Variants in JMJD1C observed in about 807,000 individuals in gnomAD.
JMJD1C encodes the protein jumonji domain-containing protein 1C.
A neutral mutation model predicts 245.3 loss-of-function variants in JMJD1C; 31 were observed. The ratio of observed to expected loss-of-function variants is 0.13; its 90% CI spans 0.09 to 0.17. The LOEUF is 0.17. Among genes scored for constraint, JMJD1C ranks in the 10% least tolerant of loss-of-function variants. JMJD1C has a pLI of 1.00. For synonymous variants in JMJD1C, 1,057 were observed against 1,017.4 expected (o/e 1.04, Z -0.74); for missense variants, 2,691 against 3,000.2 (o/e 0.90, Z 2.41).
intron 2 of JMJD1C, 108 bp downstream of exon 2, chr10:63,380,210 C>T (rs755837062): frequency 9.2e-7 from 1 of 1,082,652 alleles, no homozygotes; most frequent in Non-Finnish European, 1.4e-6. Flanking sequence ...TCTCAAAGTG[C>T]TAGTTTTACA....
chr10:63,451,409 G>T (rs573094978), intron 1 of JMJD1C, among the ~76,000 whole-genome samples: 1 of 152,190 alleles, frequency 6.6e-6, no homozygotes, highest in East Asian at 1.9e-4. Flanking sequence ...AACGCTGCAG[G>T]ACTGGGATAA....
chr10:63,394,844 CA>C (rs35359377), intron 1 of JMJD1C, among the ~76,000 whole-genome samples: 39 of 126,986 alleles, frequency 3.1e-4, no homozygotes, highest in African/African-American at 8.3e-4. Context: ...AACTCCATCA[CA>C]AAAAAAAAAA....
At chr10:63,246,258 C>T (rs1216720211) in intron 3 of JMJD1C, among the ~76,000 whole-genome samples, 4 of 151,982 alleles carry the variant, frequency 2.6e-5, no homozygotes, top group Non-Finnish European at 5.9e-5. Flanking sequence ...TAAGACTACC[C>T]CAAGGCATAT....
At chr10:63,465,286 G>C in intron 1 of JMJD1C, 1 of 591,742 alleles carries the variant, frequency 1.7e-6, no homozygotes, top group Non-Finnish European at 2.9e-6. Context: ...CGGGAGTCCT[G>C]CTCCGACACC....
chr10:63,465,265 C>A, intron 1 of JMJD1C: 1 of 516,934 alleles, frequency 1.9e-6, no homozygotes, highest in Non-Finnish European at 3.4e-6. Flanking sequence ...GGGCAGCCTC[C>A]GCGGCTATCC....
At chr10:63,512,434 T>C (rs1017683972) in intron 1 of JMJD1C, among the ~76,000 whole-genome samples, 31 of 152,212 alleles carry the variant, frequency 2.0e-4, no homozygotes, top group African/African-American at 7.2e-4. Flanking sequence ...TTATTCTTCC[T>C]TTACTTTGGA....
chr10:63,326,579 C>A (rs1941547144), intron 2 of JMJD1C, among the ~76,000 whole-genome samples: 1 of 150,964 alleles, frequency 6.6e-6, no homozygotes, highest in African/African-American at 2.4e-5. Context: ...TGACACATTA[C>A]TTAAAATACC....
chr10:63,367,748 C>T (rs1184164075), intron 2 of JMJD1C, among the ~76,000 whole-genome samples: 1 of 152,038 alleles, frequency 6.6e-6, no homozygotes, highest in Non-Finnish European at 1.5e-5. Flanking sequence ...CACGAGAGAC[C>T]CATGCACAGA....
chr10:63,429,003 G>A lies in JMJD1C; in HGVS notation c.168+36492C>T, dbSNP rs79853401. Among the ~76,000 whole-genome samples the A allele has an allele frequency of 8.9e-3, 1,349 of 152,066 alleles. 20 individuals are homozygous for A. The highest frequency in any genetic ancestry group is 0.03 in the African/African-American group (1,241 of 41,464). On this transcript the variant is annotated intron_variant, in intron 1 of 25. Transcript: ENST00000399262. Reference sequence around the variant, plus strand: ...TTCTTTTGGTGGGGGGGAGGGGCACGGAATTTCACTCTTGTTACCCAGGCT... The same window carrying A: ...TTCTTTTGGTGGGGGGGAGGGGCACAGAATTTCACTCTTGTTACCCAGGCT...
chr10:63,462,627 G>A (rs1056362250), intron 1 of JMJD1C, among the ~76,000 whole-genome samples: 1 of 152,120 alleles, frequency 6.6e-6, no homozygotes, highest in African/African-American at 2.4e-5. Context: ...AGGAGAGTTA[G>A]AAGGAGATGA....
intron 1 of JMJD1C, among the ~76,000 whole-genome samples, chr10:63,447,673 C>T (rs1209284035): frequency 1.3e-5 from 2 of 151,676 alleles, no homozygotes; most frequent in Non-Finnish European, 2.9e-5. Context: ...GGTTTTGTGG[C>T]ATCAATATCA....
At chr10:63,423,369 A>G (rs367680619) in intron 1 of JMJD1C, among the ~76,000 whole-genome samples, 81 of 152,282 alleles carry the variant, frequency 5.3e-4, no homozygotes, top group African/African-American at 1.9e-3. Flanking sequence ...TACTGTCTCT[A>G]TGAATTTGCC....
At chr10:63,354,544 AAACTT>A (rs1413718894) in intron 2 of JMJD1C, among the ~76,000 whole-genome samples, 1 of 152,040 alleles carries the variant, frequency 6.6e-6, no homozygotes, top group African/African-American at 2.4e-5. Flanking sequence ...TGAGCATGCT[AAACTT>A]ATTTTTACAT....
At position 63,312,582 on chromosome 10, in the gene JMJD1C, A is replaced by G. The variant is rs534636114; in HGVS notation, c.334-47818T>C. 1.3e-4 allele frequency among the ~76,000 whole-genome samples: 20 copies of G among 152,342 alleles called. 1 individual carries two copies. The South Asian group carries it at 3.9e-3, about 30-fold the overall frequency. ...AATAATTTCTTTCTTACAAGGATTGAACTGAAGGTATCAAAAGTAGAAGTT... is the reference window on the plus strand; with the variant it reads ...AATAATTTCTTTCTTACAAGGATTGGACTGAAGGTATCAAAAGTAGAAGTT... On this transcript the variant is annotated intron_variant, in intron 2 of 25. Coordinates refer to ENST00000399262, the MANE Select transcript of JMJD1C (RefSeq NM_032776.3).
chr10:63,411,235 T>G (rs1949452439), intron 1 of JMJD1C, among the ~76,000 whole-genome samples: 1 of 151,960 alleles, frequency 6.6e-6, no homozygotes, highest in South Asian at 2.1e-4. Context: ...AGGTACCAGG[T>G]TAACTACAGT....
At chr10:63,212,401 A>G (rs1382974841) in intron 8 of JMJD1C, among the ~76,000 whole-genome samples, 1 of 152,188 alleles carries the variant, frequency 6.6e-6, no homozygotes, top group Non-Finnish European at 1.5e-5. Flanking sequence ...TGTACGAAGG[A>G]CAAGGTTGTC....
At chr10:63,435,956 T>C (rs988642151) in intron 1 of JMJD1C, among the ~76,000 whole-genome samples, 1 of 152,066 alleles carries the variant, frequency 6.6e-6, no homozygotes, top group Non-Finnish European at 1.5e-5. Flanking sequence ...TCTAAATAAA[T>C]ACCCAATATG....
intron 3 of JMJD1C, chr10:63,222,212 G>A (rs1010716914): frequency 6.5e-6 from 5 of 764,390 alleles, no homozygotes; most frequent in African/African-American, 3.4e-5. Context: ...CATGTTCAGA[G>A]GAATTTATAG....
intron 3 of JMJD1C, among the ~76,000 whole-genome samples, chr10:63,258,860 G>T (rs1854326532): frequency 6.6e-6 from 1 of 152,160 alleles, no homozygotes; most frequent in African/African-American, 2.4e-5. Flanking sequence ...TAAACAACTA[G>T]CAGGGAGCCG....
Sources: allele counts gnomAD v4.1 joint callset (sites outside exome capture counted in the v4.1 genomes callset), GRCh38; gene constraint gnomAD v4.1.1; transcripts MANE v1.5; gene names NCBI Gene and HGNC (gene_info 2026-07-23, HGNC 2026-07-21).